LRRIQ1: variants seen among roughly 807,000 people sequenced by gnomAD.
LRRIQ1 encodes leucine-rich repeat- and IQ domain-containing protein 1.
Under a neutral mutation model 211.9 loss-of-function variants are expected in LRRIQ1, and 210 were observed. That is an observed-to-expected ratio of 0.99 (90% CI 0.89 to 1.11). The LOEUF (loss-of-function observed/expected upper bound fraction) is 1.11. Ranked by LOEUF, LRRIQ1 falls within the 50% of genes most tolerant of loss-of-function variation. The pLI is 0.00. For synonymous variants in LRRIQ1, 699 were observed against 650.1 expected, an observed-to-expected ratio of 1.08 and a Z score of -1.14; for missense variants, 2,136 against 1,939.5, an observed-to-expected ratio of 1.10 and a Z score of -1.90.
At chr12:85,124,007 G>A in intron 16 of LRRIQ1, 63 bp from the exon 17 acceptor site, 3 of 1,272,454 alleles carry the variant, frequency 2.4e-6, no homozygotes, top group Non-Finnish European at 3.3e-6. Context: ...TTCAAAACTT[G>A]CACAAGTTTT....
chr12:85,244,628 A>C (rs759999418), intron 26 of LRRIQ1, among the ~76,000 whole-genome samples, 161 bp from the exon 27 acceptor site: 2 of 151,750 alleles, frequency 1.3e-5, no homozygotes, highest in African/African-American at 4.8e-5. Flanking sequence ...GCTTTGACAT[A>C]GTGCATTTGT....
intron 11 of LRRIQ1, among the ~76,000 whole-genome samples, chr12:85,096,315 T>C (rs565671309): frequency 5.9e-5 from 9 of 152,302 alleles, no homozygotes; most frequent in African/African-American, 2.2e-4. Flanking sequence ...TAAACTTTCC[T>C]CTTAACACTG....
At chr12:85,223,804 A>G (rs1020691547) in intron 24 of LRRIQ1, among the ~76,000 whole-genome samples, 13 of 152,158 alleles carry the variant, frequency 8.5e-5, no homozygotes, top group African/African-American at 3.1e-4. Flanking sequence ...AATCCAGTAG[A>G]TAATTGAAGA....
At chr12:85,252,039 G>A (rs1895960438) in intron 1 of LRRIQ1, among the ~76,000 whole-genome samples, 1 of 151,902 alleles carries the variant, frequency 6.6e-6, no homozygotes, top group East Asian at 1.9e-4. Flanking sequence ...ACAATCAACT[G>A]AGAGGGGAAA....
At chr12:85,216,415 A>C (rs1257216296) in intron 24 of LRRIQ1, among the ~76,000 whole-genome samples, 2 of 152,022 alleles carry the variant, frequency 1.3e-5, no homozygotes, top group Non-Finnish European at 2.9e-5. Flanking sequence ...GCTGGTATGC[A>C]GGCAGTGTTC....
chr12:85,153,156 C>G lies in LRRIQ1; in HGVS notation c.4541+11C>G. 1 of 1,578,192 alleles carries G rather than the reference C, an allele frequency of 6.3e-7. No homozygotes were observed. Among genetic ancestry groups the G allele is most frequent in the Non-Finnish European group, 8.6e-7 (1 of 1,163,482 alleles). Reference sequence around the variant, plus strand: ...ACAATTTAATAGCAGGTAAGCTAAACTATTGTTTTAGAGAATCAACTTGTG... The same window carrying G: ...ACAATTTAATAGCAGGTAAGCTAAAGTATTGTTTTAGAGAATCAACTTGTG... On this transcript the variant is annotated intron_variant, in intron 21 of 26. Coordinates refer to ENST00000393217, the MANE Select transcript of LRRIQ1 (RefSeq NM_001079910.2).
At chr12:85,267,820 G>GT (rs1242557937), downstream of LRRIQ1, among the ~76,000 whole-genome samples, 1 of 151,908 alleles carries the variant, frequency 6.6e-6, no homozygotes, top group African/African-American at 2.4e-5. Flanking sequence ...AAGAACTTTT[G>GT]TTTTTTTGTA....
intron 10 of LRRIQ1, among the ~76,000 whole-genome samples, chr12:85,069,626 T>C (rs9669802): frequency 0.56 from 83,963 of 151,006 alleles, 24,404 homozygotes; most frequent in African/African-American, 0.73. Context: ...TTTTAATGAT[T>C]GCCATTCTAA....
chr12:85,174,664 T>G (rs1891593518), intron 24 of LRRIQ1, among the ~76,000 whole-genome samples: 1 of 118,888 alleles, frequency 8.4e-6, no homozygotes, highest in Non-Finnish European at 1.6e-5. Context: ...ATCACGCCAC[T>G]GTACTCCAGC....
intron 3 of LRRIQ1, among the ~76,000 whole-genome samples, chr12:85,043,645 GTTTCTATAGTAGATA>G (rs67826949): frequency 0.6 from 90,468 of 151,808 alleles, 29,243 homozygotes; most frequent in African/African-American, 0.86. Context: ...AAACATCTTT[GTTTCTATAGTAGATA>G]GAGACTATCT....
At chr12:85,104,906 A>G (rs1295605144) in intron 14 of LRRIQ1, among the ~76,000 whole-genome samples, 1 of 152,100 alleles carries the variant, frequency 6.6e-6, no homozygotes, top group East Asian at 1.9e-4. Context: ...CACACCAGAA[A>G]TAAGAGTTAC....
At chr12:85,200,369 C>T (rs757112400) in intron 24 of LRRIQ1, among the ~76,000 whole-genome samples, 3 of 151,962 alleles carry the variant, frequency 2.0e-5, no homozygotes, top group African/African-American at 2.4e-5. Context: ...AGCTTTTGGG[C>T]GAGATTCTAG....
Position 85,106,614 on chromosome 12 carries a change from AG to A in LRRIQ1, c.3377+1del, listed in dbSNP as rs1438743756. ...CCCACTTCTTCAAGAAACAAACTGGAGGTAAAGAGGCATTGTTGCACCCCAT... is the reference window on the plus strand; with the variant it reads ...CCCACTTCTTCAAGAAACAAACTGGAGTAAAGAGGCATTGTTGCACCCCAT... ...GNPLLQETNW[R>X]DSLLKVLPAL... On this transcript the variant is annotated frameshift_variant and splice_region_variant, in exon 15 of 27. Coordinates refer to ENST00000393217, the MANE Select transcript of LRRIQ1 (RefSeq NM_001079910.2). LOFTEE classifies it high-confidence loss of function. 7 of 1,601,136 alleles carry A rather than the reference AG, an allele frequency of 4.4e-6. No homozygotes were observed. Among genetic ancestry groups the A allele is most frequent in the Non-Finnish European group, 5.1e-6 (6 of 1,169,318 alleles).
At chr12:85,146,154 A>G (rs1187019191) in intron 19 of LRRIQ1, among the ~76,000 whole-genome samples, 1 of 151,754 alleles carries the variant, frequency 6.6e-6, no homozygotes, top group Non-Finnish European at 1.5e-5. Context: ...TCCCTCAGGA[A>G]GGAATTACAG....
intron 13 of LRRIQ1, among the ~76,000 whole-genome samples, chr12:85,103,322 T>G (rs1886528062): frequency 6.6e-6 from 1 of 151,592 alleles, no homozygotes; most frequent in Non-Finnish European, 1.5e-5. Context: ...CAGTGTGTTT[T>G]GGCCAAGTTT....
At chr12:85,144,436 A>C (rs1313239686) in intron 19 of LRRIQ1, among the ~76,000 whole-genome samples, 2 of 151,624 alleles carry the variant, frequency 1.3e-5, no homozygotes, top group Non-Finnish European at 3.0e-5. Context: ...TAAGATATAG[A>C]GCATAGTGTT....
At chr12:85,081,162 A>G (rs1884242747) in intron 11 of LRRIQ1, among the ~76,000 whole-genome samples, 1 of 152,170 alleles carries the variant, frequency 6.6e-6, no homozygotes. Flanking sequence ...AGAGGGCCCT[A>G]GAAGCCAAAT....
chr12:85,102,959 A>AAATATATATAT (rs1458673370), intron 13 of LRRIQ1, among the ~76,000 whole-genome samples: 4 of 108,498 alleles, frequency 3.7e-5, no homozygotes, highest in African/African-American at 1.7e-4. Context: ...AAAAAAAAAA[A>AAATATATATAT]ATATATATAT....
rs529962777 is a variant in LRRIQ1, at chr12:85,203,551, A to C, written c.4823-25966A>C. On this transcript the variant is annotated intron_variant, in intron 24 of 26. Coordinates refer to ENST00000393217, the MANE Select transcript of LRRIQ1 (RefSeq NM_001079910.2). ...GGCTTTGCCCAAAATGCTGATAGCA[A>C]TATGGATAATAAGGTCCAGTCTGAG... is the stretch of plus-strand genomic sequence containing the variant. Among the ~76,000 whole-genome samples, 9 of 152,272 alleles carry C rather than the reference A, an allele frequency of 5.9e-5. No individual in the cohort carries two copies. The South Asian group carries it at 6.2e-4, about 11-fold the overall frequency.
Sources: gnomAD v4.1 joint callset for allele counts (sites outside exome capture counted in the v4.1 genomes callset) on GRCh38, gnomAD v4.1.1 for gene constraint, MANE v1.5 for transcripts, NCBI Gene and HGNC (gene_info 2026-07-23, HGNC 2026-07-21) for gene names.